SNRPN: variants seen among roughly 807,000 people sequenced by gnomAD.
SNRPN encodes small nuclear ribonucleoprotein-associated protein N.
Under a neutral mutation model 25.2 loss-of-function variants are expected in SNRPN, and 7 were observed. The ratio of observed to expected loss-of-function variants is 0.28; its 90% CI spans 0.16 to 0.52. The LOEUF (loss-of-function observed/expected upper bound fraction) is 0.52, where lower values mean the gene tolerates loss of function less well. Among genes scored for constraint, SNRPN ranks in the 20% least tolerant of loss-of-function variants. The pLI is 0.96. For synonymous variants in SNRPN, 124 were observed against 110.6 expected (o/e 1.12, Z -0.76); for missense variants, 196 against 322.5 (o/e 0.61, Z 3.00).
chr15:24,935,874 T>C (rs1048950229), intron 3 of SNRPN, among the ~76,000 whole-genome samples: 5 of 152,128 alleles, frequency 3.3e-5, no homozygotes, highest in African/African-American at 4.8e-5. Context: ...ATCCCAGTAC[T>C]TTGGGAGGCC....
intron 2 of SNRPN, among the ~76,000 whole-genome samples, chr15:24,848,179 G>C (rs1595440041): frequency 6.7e-6 from 1 of 149,372 alleles, no homozygotes; most frequent in Non-Finnish European, 1.5e-5. Context: ...CAACCAGCTC[G>C]TGGTGCGCTG....
intron 1 of SNRPN, among the ~76,000 whole-genome samples, chr15:24,862,337 G>A (rs898608081): frequency 1.3e-5 from 2 of 150,786 alleles, no homozygotes; most frequent in African/African-American, 5.0e-5. Context: ...CCCATGAGAG[G>A]GGCTCTGCAG....
In SNRPN at chr15:24,929,845, C is replaced by T. The variant is rs937676626; in HGVS notation, c.-391+9721C>T. 6.6e-6 allele frequency among the ~76,000 whole-genome samples: 1 copy of T among 152,064 alleles called. No homozygotes were observed. The highest frequency in any genetic ancestry group is 2.4e-5 in the African/African-American group (1 of 41,420). ...CAAATAAAATCAATTGAGACAGTAA[C>T]AAATTTGCTCAAAGAATCAACCTGA... On this transcript the variant is annotated intron_variant, in intron 3 of 11. Coordinates refer to the SNRPN transcript ENST00000400097. The surrounding 1 kb of genome is among the most constrained non-coding windows in gnomAD (Gnocchi z 5.3).
intron 1 of SNRPN, among the ~76,000 whole-genome samples, chr15:24,959,554 C>T (rs772627546): frequency 6.6e-5 from 10 of 152,114 alleles, no homozygotes; most frequent in South Asian, 2.1e-4. Context: ...GAGCAACTGC[C>T]GAATGGGTTC....
chr15:24,974,242 T>G (rs915034011), intron 3 of SNRPN, 69 bp from the exon 4 acceptor site: 2 of 584,166 alleles, frequency 3.4e-6, no homozygotes, highest in East Asian at 5.8e-5. Context: ...GTGATTTTCA[T>G]GCAAAATTGT....
intron 2 of SNRPN, among the ~76,000 whole-genome samples, chr15:24,831,454 G>A (rs759917019): frequency 6.6e-6 from 1 of 151,970 alleles, no homozygotes; most frequent in Non-Finnish European, 1.5e-5. Flanking sequence ...AAGAACATAT[G>A]TGTTACCTCA....
chr15:24,922,662 T>G (rs1261821160), intron 3 of SNRPN, among the ~76,000 whole-genome samples: 1 of 152,140 alleles, frequency 6.6e-6, no homozygotes, highest in South Asian at 2.1e-4. Flanking sequence ...TGTATGTATT[T>G]TTTTGTCTTT....
At chr15:24,889,810 G>T (rs566502485) in intron 2 of SNRPN, among the ~76,000 whole-genome samples, 1 of 151,914 alleles carries the variant, frequency 6.6e-6, no homozygotes, top group African/African-American at 2.4e-5. Context: ...AGCACTTTGG[G>T]AGGCCAAGGC....
At chr15:24,940,889 C>G (rs1277743591) in intron 3 of SNRPN, among the ~76,000 whole-genome samples, 1 of 152,162 alleles carries the variant, frequency 6.6e-6, no homozygotes, top group Non-Finnish European at 1.5e-5. Flanking sequence ...TCTGGAGACC[C>G]AGGGAAGAGT....
intron 3 of SNRPN, among the ~76,000 whole-genome samples, chr15:24,933,399 A>G (rs2061010692): frequency 6.6e-6 from 1 of 151,706 alleles, no homozygotes; most frequent in Non-Finnish European, 1.5e-5. Context: ...TGAGCTTAGT[A>G]TGGTGTGTGT....
intron 2 of SNRPN, among the ~76,000 whole-genome samples, chr15:24,966,319 T>A (rs1477916272): frequency 6.6e-6 from 1 of 152,180 alleles, no homozygotes; most frequent in Non-Finnish European, 1.5e-5. Flanking sequence ...AACAGATGCA[T>A]AGAGCAAAAT....
At chr15:24,927,285 T>A (rs992637320) in intron 3 of SNRPN, among the ~76,000 whole-genome samples, 1 of 151,912 alleles carries the variant, frequency 6.6e-6, no homozygotes, top group Non-Finnish European at 1.5e-5. Flanking sequence ...CGTACCTGGC[T>A]AATTTTTAAA....
At chr15:24,877,364 T>C (rs2056021475) in intron 1 of SNRPN, among the ~76,000 whole-genome samples, 1 of 152,160 alleles carries the variant, frequency 6.6e-6, no homozygotes, top group African/African-American at 2.4e-5. Flanking sequence ...AAGAACCATG[T>C]GCTGACAGTG....
chr15:24,909,443 C>A, intron 2 of SNRPN: 1 of 1,589,040 alleles, frequency 6.3e-7, no homozygotes, highest in Non-Finnish European at 8.5e-7. Context: ...GTATTCATCG[C>A]CAGTCACCTC....
At position 24,917,060 on chromosome 15, in the gene SNRPN, T is replaced by C. The variant is rs149740473; in HGVS notation, c.-504-2951T>C. On this transcript the variant is annotated intron_variant, in intron 2 of 11. Transcript: ENST00000400097. ...CTGGTCCATTTTACAGGGTGCTGAT[T>C]GGTCCATTTTACAAACCTCTAGCTA... is the stretch of plus-strand genomic sequence containing the variant. Among the ~76,000 whole-genome samples the C allele has an allele frequency of 3.3e-3, 498 of 152,288 alleles. 5 individuals are homozygous for C. The highest frequency in any genetic ancestry group is 0.012 in the African/African-American group (478 of 41,562).
At chr15:24,890,382 A>G (rs1368895531) in intron 2 of SNRPN, among the ~76,000 whole-genome samples, 1 of 152,020 alleles carries the variant, frequency 6.6e-6, no homozygotes, top group Admixed American at 6.6e-5. Flanking sequence ...TGTCCATAAA[A>G]ATACACCTAT....
intron 1 of SNRPN, among the ~76,000 whole-genome samples, chr15:24,859,669 G>A (rs2053803478): frequency 6.6e-6 from 1 of 152,196 alleles, no homozygotes; most frequent in Non-Finnish European, 1.5e-5. Context: ...GCAGAGTAAA[G>A]TGAAAGCAAG....
chr15:24,911,455 G>GC (rs1764108717), intron 2 of SNRPN, among the ~76,000 whole-genome samples: 1 of 152,152 alleles, frequency 6.6e-6, no homozygotes, highest in Non-Finnish European at 1.5e-5. Flanking sequence ...GGATTCCAGT[G>GC]CAACCCAAGA....
chr15:24,855,664 C>A (rs1871193389), upstream of SNRPN, among the ~76,000 whole-genome samples: 2 of 151,774 alleles, frequency 1.3e-5, no homozygotes, highest in Admixed American at 6.6e-5. Context: ...TGCTGGCGGG[C>A]ACCTGTAATC....
Sources: allele counts gnomAD v4.1 joint callset (sites outside exome capture counted in the v4.1 genomes callset), GRCh38; gene constraint gnomAD v4.1.1; non-coding constraint Gnocchi (gnomAD v3.1); transcripts MANE v1.5; gene names NCBI Gene and HGNC (gene_info 2026-07-23, HGNC 2026-07-21).